GFI1B: variants seen among roughly 807,000 people sequenced by gnomAD.
GFI1B encodes growth factor independent 1B transcriptional repressor.
Under a neutral mutation model 35.3 loss-of-function variants are expected in GFI1B, and 20 were observed. That is an observed-to-expected ratio of 0.57 (90% CI 0.40 to 0.82). The LOEUF (loss-of-function observed/expected upper bound fraction) is 0.82, where lower values mean the gene tolerates loss of function less well. GFI1B is among the 40% of genes least tolerant of loss of function. The pLI, the probability that GFI1B is intolerant of heterozygous loss-of-function variation, is 0.00. For synonymous variants in GFI1B, 178 were observed against 177.6 expected, an observed-to-expected ratio of 1.00 and a Z score of -0.02; for missense variants, 430 against 446.3, an observed-to-expected ratio of 0.96 and a Z score of 0.33.
At chr9:132,947,412 C>CAAAAAAAAA (rs35035214) in intron 1 of GFI1B, among the ~76,000 whole-genome samples, 1 of 96,000 alleles carries the variant, frequency 1.0e-5, no homozygotes. Flanking sequence ...TTTAATCGAG[C>CAAAAAAAAA]AAAAAAAAAA....
chr9:132,977,909 G>T (rs1365905862), upstream of GFI1B, among the ~76,000 whole-genome samples: 1 of 152,188 alleles, frequency 6.6e-6, no homozygotes, highest in South Asian at 2.1e-4. Context: ...CCTGGCCTCC[G>T]AACTCACTGC....
At chr9:132,966,364 GA>G (rs373602732) in intron 1 of GFI1B, among the ~76,000 whole-genome samples, 3,834 of 121,110 alleles carry the variant, frequency 0.032, 60 homozygotes, top group Non-Finnish European at 0.041. Flanking sequence ...ATCTCAAAAA[GA>G]AAAAAAAAAA....
chr9:132,988,645 T>A (rs1417014661), intron 4 of GFI1B, among the ~76,000 whole-genome samples, 177 bp downstream of exon 4: 1 of 152,156 alleles, frequency 6.6e-6, no homozygotes, highest in African/African-American at 2.4e-5. Context: ...CCTGGCCCTG[T>A]GCTAAGCAAT....
rs1286057895 is a variant in GFI1B, at chr9:132,986,741, G to A, written c.63G>A (p.Gln21=). 2.5e-6 allele frequency: 4 copies of A among 1,612,922 alleles called. No homozygotes were observed. Among genetic ancestry groups the A allele is most frequent in the Non-Finnish European group, 3.4e-6 (4 of 1,179,544 alleles). ...KAHTYHQPRV[Q]EDEPLWPPAL... ...ACACCTACCACCAGCCCCGTGTGCA[G>A]GAAGATGAACCGCTCTGGCCTCCTG... Residue 21 remains glutamine (Q), a synonymous_variant, in exon 2 of 7, where the codon CAG becomes CAA. Coordinates refer to ENST00000372122, the MANE Select transcript of GFI1B (RefSeq NM_001377304.1).
At chr9:132,992,997 T>TA (rs35365824), downstream of GFI1B, among the ~76,000 whole-genome samples, 38,923 of 149,790 alleles carry the variant, frequency 0.26, 5,761 homozygotes, top group African/African-American at 0.38. Context: ...AGGTCAAACA[T>TA]AAAAAAAAAA....
chr9:132,947,607 G>A (rs11243945), intron 1 of GFI1B, among the ~76,000 whole-genome samples: 32,642 of 151,368 alleles, frequency 0.22, 3,638 homozygotes, highest in African/African-American at 0.23. Flanking sequence ...TCAGGAGTTC[G>A]AGACCAGCCT....
At chr9:132,950,162 G>A (rs1375863782) in intron 1 of GFI1B, among the ~76,000 whole-genome samples, 2 of 152,104 alleles carry the variant, frequency 1.3e-5, no homozygotes, top group African/African-American at 4.8e-5. Context: ...ACCTGAGCTA[G>A]AAGATGTTCG....
chr9:132,991,757 G>A (rs917075789), downstream of GFI1B: 1 of 152,962 alleles, frequency 6.5e-6, no homozygotes, highest in Non-Finnish European at 1.5e-5. Flanking sequence ...GCTTTGGGGA[G>A]TGATGCGGGG....
intron 1 of GFI1B, among the ~76,000 whole-genome samples, chr9:132,983,728 T>G (rs10793949): frequency 0.31 from 46,835 of 152,168 alleles, 7,517 homozygotes; most frequent in South Asian, 0.4. Context: ...AGCTTCAAAC[T>G]GCTGTTTTCA....
chr9:132,967,680 T>C (rs1848468659), intron 1 of GFI1B, among the ~76,000 whole-genome samples: 1 of 152,236 alleles, frequency 6.6e-6, no homozygotes, highest in South Asian at 2.1e-4. Flanking sequence ...AATATCCTTA[T>C]GTTTAGGAGA....
chr9:132,965,483 G>A (rs1848437346), intron 1 of GFI1B, among the ~76,000 whole-genome samples: 1 of 152,240 alleles, frequency 6.6e-6, no homozygotes, highest in Non-Finnish European at 1.5e-5. Flanking sequence ...ACCTGTGAAT[G>A]TGACCGTATT....
intron 4 of GFI1B, 88 bp from the exon 5 acceptor site, chr9:132,988,973 G>A: frequency 2.3e-6 from 3 of 1,301,728 alleles, no homozygotes; most frequent in Non-Finnish European, 3.3e-6. Flanking sequence ...GCCTTGGCCA[G>A]AGCTGGGCAT....
At chr9:132,967,781 CAT>C (rs1175862155) in intron 1 of GFI1B, among the ~76,000 whole-genome samples, 1 of 151,568 alleles carries the variant, frequency 6.6e-6, no homozygotes, top group Non-Finnish European at 1.5e-5. Context: ...TGTGTATACA[CAT>C]ATTTTTCTTT....
intron 1 of GFI1B, among the ~76,000 whole-genome samples, chr9:132,982,681 G>A (rs565994445): frequency 4.4e-4 from 67 of 150,946 alleles, no homozygotes; most frequent in Non-Finnish European, 9.3e-4. Context: ...CAGTATAGGT[G>A]ATTGGTTCCT....
At chr9:132,971,434 C>G (rs993020037) in intron 1 of GFI1B, among the ~76,000 whole-genome samples, 2 of 152,148 alleles carry the variant, frequency 1.3e-5, no homozygotes, top group Non-Finnish European at 1.5e-5. Flanking sequence ...TGAATACTGC[C>G]CTTCCCCATC....
chr9:132,964,449 C>T (rs1199602384), intron 1 of GFI1B, among the ~76,000 whole-genome samples: 1 of 152,066 alleles, frequency 6.6e-6, no homozygotes, highest in Non-Finnish European at 1.5e-5. Flanking sequence ...TCAATAGGAA[C>T]TTGTGAAAAT....
chr9:132,980,619 C>A (rs765505844), intron 1 of GFI1B, among the ~76,000 whole-genome samples: 1 of 152,206 alleles, frequency 6.6e-6, no homozygotes, highest in Non-Finnish European at 1.5e-5. Flanking sequence ...ACCATCCATC[C>A]ACAGAACTGT....
rs1347057846 is a variant in GFI1B at position 132,988,405 on chromosome 9, C to T, written c.447C>T (p.Ala149=). ...CTCTTGTGCCCAGCACTGAGCCCGC[C>T]TTGGACTTCAGCCTCCGCTACTCCC... ...GSPLVPSTEP[A]LDFSLRYSPG... Residue 149 remains alanine, a synonymous_variant, in exon 4 of 7, where the codon GCC becomes GCT. Transcript: ENST00000372122. 6.2e-7 allele frequency: 1 copy of T among 1,614,058 alleles called. No individual in the cohort carries two copies. The highest frequency in any genetic ancestry group is 1.3e-5 in the African/African-American group (1 of 74,946).
In GFI1B at chr9:132,955,790, A is replaced by ATG. The variant is rs907980157; in HGVS notation, c.-701+10136_-701+10137dup. ...TCTCCAGAGAAGCAGAACCAACGTGATGTGTGTGTGTGTGTGCATGTGTGT... is the reference window on the plus strand; with the variant it reads ...TCTCCAGAGAAGCAGAACCAACGTGATGTGTGTGTGTGTGTGTGCATGTGTGT... On this transcript the variant is annotated intron_variant, in intron 1 of 10. Transcript: ENST00000339463. 2.3e-4 allele frequency among the ~76,000 whole-genome samples: 32 copies of ATG among 141,736 alleles called. 1 individual carries two copies. Among genetic ancestry groups the ATG allele is most frequent in the East Asian group, 8.4e-4 (4 of 4,750 alleles). 93.0% of individuals were successfully genotyped at this position (141,736 alleles called of 152,430 possible).
Sources: gnomAD v4.1 joint callset for allele counts (sites outside exome capture counted in the v4.1 genomes callset) on GRCh38, gnomAD v4.1.1 for gene constraint, MANE v1.5 for transcripts, NCBI Gene and HGNC (gene_info 2026-07-23, HGNC 2026-07-21) for gene names.